Variants in CYYR1 observed in about 807,000 individuals in gnomAD.
CYYR1 encodes cysteine and tyrosine rich 1.
A neutral mutation model predicts 15.2 loss-of-function variants in CYYR1; 14 were observed. The observed-to-expected ratio is 0.92, with a 90% CI of 0.61 to 1.44. The LOEUF (loss-of-function observed/expected upper bound fraction) is 1.44. Among genes scored for constraint, CYYR1 ranks in the 40% most tolerant of loss-of-function variants. The pLI is 0.00. For synonymous variants in CYYR1, 80 were observed against 77.4 expected (o/e 1.03, Z -0.18); for missense variants, 228 against 209.5 (o/e 1.09, Z -0.54).
intron 1 of CYYR1, 118 bp from the exon 2 acceptor site, chr21:26,566,486 C>A (rs1005329306): frequency 9.7e-6 from 7 of 725,106 alleles, no homozygotes; most frequent in Non-Finnish European, 1.6e-5. Context: ...TTTAAATCTT[C>A]ATTTTCGTCC....
intron 2 of CYYR1, among the ~76,000 whole-genome samples, chr21:26,481,228 G>A (rs1037182412): frequency 2.6e-4 from 39 of 152,076 alleles, no homozygotes; most frequent in African/African-American, 9.2e-4. Context: ...TGACCAAGAA[G>A]CATCATTTTT....
Position 26,501,261 on chromosome 21 carries a change from C to T in CYYR1, c.177-20832G>A, listed in dbSNP as rs967481838. 5.9e-5 allele frequency among the ~76,000 whole-genome samples: 9 copies of T among 152,138 alleles called. 1 individual carries two copies. The highest frequency in any genetic ancestry group is 2.2e-4 in the African/African-American group (9 of 41,420). On this transcript the variant is annotated intron_variant, in intron 2 of 3. Transcript: ENST00000652641. ...GCTGAAGCAGGAGAATCGCTTGAACCGGGAGTTGGAGGTTGCAGTGAGCCG... is the reference window on the plus strand; with the variant it reads ...GCTGAAGCAGGAGAATCGCTTGAACTGGGAGTTGGAGGTTGCAGTGAGCCG...
chr21:26,562,799 A>ACACAC (rs1980321214), intron 2 of CYYR1, among the ~76,000 whole-genome samples: 5 of 132,490 alleles, frequency 3.8e-5, no homozygotes, highest in African/African-American at 2.9e-5. Flanking sequence ...GACATACACA[A>ACACAC]ACACACACAC....
At chr21:26,563,453 T>C (rs1359665483) in intron 2 of CYYR1, among the ~76,000 whole-genome samples, 3 of 152,102 alleles carry the variant, frequency 2.0e-5, no homozygotes, top group Admixed American at 2.0e-4. Context: ...CTGCCTGTAA[T>C]CCCAGCTACT....
intron 2 of CYYR1, among the ~76,000 whole-genome samples, chr21:26,536,006 G>T (rs982069996): frequency 2.6e-5 from 4 of 152,164 alleles, no homozygotes; most frequent in African/African-American, 9.7e-5. Context: ...AGTTCGGCAG[G>T]CTGTACAAGA....
At chr21:26,533,983 G>A (rs921349478) in intron 2 of CYYR1, among the ~76,000 whole-genome samples, 18 of 152,132 alleles carry the variant, frequency 1.2e-4, no homozygotes, top group Admixed American at 7.2e-4. Context: ...GTGTAACTGC[G>A]CCACAGAAAC....
chr21:26,484,094 C>G (rs1482580483), intron 2 of CYYR1, among the ~76,000 whole-genome samples: 1 of 152,110 alleles, frequency 6.6e-6, no homozygotes. Flanking sequence ...AATACATACA[C>G]TACGCATTGT....
intron 2 of CYYR1, among the ~76,000 whole-genome samples, chr21:26,512,576 C>T (rs1051099618): frequency 1.3e-4 from 20 of 152,118 alleles, no homozygotes; most frequent in Non-Finnish European, 2.5e-4. Flanking sequence ...TCTGTATGAC[C>T]TGTTAGCTAA....
At chr21:26,526,998 T>C (rs2065875328) in intron 2 of CYYR1, among the ~76,000 whole-genome samples, 1 of 152,332 alleles carries the variant, frequency 6.6e-6, no homozygotes, top group East Asian at 1.9e-4. Context: ...TAAGCACTTA[T>C]AATGAATTAG....
rs145033532 is a variant in CYYR1, at chr21:26,513,589, C to G, written c.177-33160G>C. Among the ~76,000 whole-genome samples the G allele has an allele frequency of 5.6e-3, 847 of 152,166 alleles. 4 individuals are homozygous for G. The highest frequency in any genetic ancestry group is 0.019 in the African/African-American group (806 of 41,526). On this transcript the variant is annotated intron_variant, in intron 2 of 3. Transcript: ENST00000652641. ...CCAGAAGTAGGCAATACTGTGGAGA[C>G]TAGTCAAACCCTATCAGTGAAGTTC...
Position 26,514,317 on chromosome 21 carries a change from T to C in CYYR1, c.177-33888A>G, listed in dbSNP as rs569732769. Among the ~76,000 whole-genome samples the C allele has an allele frequency of 3.3e-5, 5 of 152,282 alleles. No homozygotes were observed. In the South Asian group the frequency reaches 6.2e-4, roughly 19 times the overall value. ...GAGGTGTTTTGGTTGTGGGGGAAGA[T>C]GGTTCATGAATGCCTTGGTACTCGT... On this transcript the variant is annotated intron_variant, in intron 2 of 3. Transcript: ENST00000652641.
intron 2 of CYYR1, 105 bp from the exon 3 acceptor site, chr21:26,480,534 C>A: frequency 2.5e-6 from 3 of 1,205,040 alleles, no homozygotes; most frequent in Non-Finnish European, 2.3e-6. Flanking sequence ...TACAAATGTT[C>A]TTAAGGATAA....
At chr21:26,531,300 A>G (rs565388347) in intron 2 of CYYR1, among the ~76,000 whole-genome samples, 1 of 152,228 alleles carries the variant, frequency 6.6e-6, no homozygotes, top group South Asian at 2.1e-4. Context: ...CGTTCTTCTC[A>G]TCCCGCGGCT....
intron 2 of CYYR1, among the ~76,000 whole-genome samples, chr21:26,524,829 G>A (rs188822511): frequency 2.2e-3 from 335 of 152,238 alleles, no homozygotes; most frequent in Middle Eastern, 0.01. Flanking sequence ...AGGTAAAGAC[G>A]ATGTTTGTAA....
chr21:26,517,144 A>AAAAAAAAG lies in CYYR1; in HGVS notation c.177-36716_177-36715insCTTTTTTT, dbSNP rs1491223332. On this transcript the variant is annotated intron_variant, in intron 2 of 3. Transcript: ENST00000652641. ...AAAAAAAAAAAAAAAAAAAAAAAAAAGAATTCACTGGGATAATCTATCAAA... is the reference window on the plus strand; with the variant it reads ...AAAAAAAAAAAAAAAAAAAAAAAAAAAAAAAAAGGAATTCACTGGGATAATCTATCAAA... Among the ~76,000 whole-genome samples, 18 of 111,440 alleles carry AAAAAAAAG rather than the reference A, an allele frequency of 1.6e-4. 1 individual carries two copies. The highest frequency in any genetic ancestry group is 3.3e-4 in the African/African-American group (9 of 27,692). 73.1% of individuals were successfully genotyped at this position (111,440 alleles called of 152,430 possible).
At chr21:26,553,814 AC>A (rs1456984878) in intron 2 of CYYR1, among the ~76,000 whole-genome samples, 5 of 152,202 alleles carry the variant, frequency 3.3e-5, no homozygotes, top group Non-Finnish European at 5.9e-5. Context: ...AAGCTATTTT[AC>A]CACAAACACT....
intron 2 of CYYR1, among the ~76,000 whole-genome samples, chr21:26,547,330 C>T (rs1414988663): frequency 6.6e-6 from 1 of 152,064 alleles, no homozygotes; most frequent in East Asian, 1.9e-4. Flanking sequence ...ACCTATGATC[C>T]CCTCCCTGAT....
At chr21:26,478,147 A>G in intron 3 of CYYR1, 1 of 1,549,224 alleles carries the variant, frequency 6.5e-7, no homozygotes. Context: ...TAGGAAGAGG[A>G]AATGAACAAT....
At chr21:26,521,378 A>C (rs1452538677) in intron 2 of CYYR1, among the ~76,000 whole-genome samples, 3 of 152,222 alleles carry the variant, frequency 2.0e-5, no homozygotes, top group Non-Finnish European at 4.4e-5. Flanking sequence ...ACATCTGGTT[A>C]AATCAAATAG....
Sources: allele counts gnomAD v4.1 joint callset (sites outside exome capture counted in the v4.1 genomes callset), GRCh38; gene constraint gnomAD v4.1.1; transcripts MANE v1.5; gene names NCBI Gene and HGNC (gene_info 2026-07-23, HGNC 2026-07-21).